Variants in KLF8 observed in about 807,000 individuals in gnomAD.
KLF8 encodes the protein KLF transcription factor 8.
A neutral mutation model predicts 18.2 loss-of-function variants in KLF8; 10 were observed. That is an observed-to-expected ratio of 0.55 (90% CI 0.34 to 0.93). The LOEUF is 0.93. Among genes scored for constraint, KLF8 ranks in the 40% least tolerant of loss-of-function variants. The pLI is 0.02. For synonymous variants in KLF8, 109 were observed against 97.3 expected, an observed-to-expected ratio of 1.12 and a Z score of -0.71; for missense variants, 264 against 277.9, an observed-to-expected ratio of 0.95 and a Z score of 0.36.
chrX:56,136,986 C>CA, the KLF8 span, among the ~76,000 whole-genome samples: 1 of 111,750 alleles, frequency 8.9e-6, no homozygotes, highest in Non-Finnish European at 1.9e-5. Flanking sequence ...TTTATGCAGC[C>CA]AAAAAACACA....
the KLF8 span, among the ~76,000 whole-genome samples, chrX:55,993,719 A>C: frequency 9.0e-6 from 1 of 110,602 alleles, no homozygotes; most frequent in Non-Finnish European, 1.9e-5. Context: ...ATGGCTGTGG[A>C]TTCTTATGGT....
rs1173390252 is a variant in KLF8 at position 56,289,146 on chromosome X, T to C, written c.*4652T>C. Among the ~76,000 whole-genome samples the C allele has an allele frequency of 8.9e-6, 1 of 112,512 alleles. No homozygotes were observed. Among genetic ancestry groups the C allele is most frequent in the Non-Finnish European group, 1.9e-5 (1 of 53,380 alleles). Reference sequence around the variant, plus strand: ...CATGGACTCATGGGTATTTATTTTATACTTCGAGTTATAATCTAATACTAC... The same window carrying C: ...CATGGACTCATGGGTATTTATTTTACACTTCGAGTTATAATCTAATACTAC... On this transcript the variant is annotated 3_prime_UTR_variant, in exon 6 of 6. Coordinates refer to ENST00000468660, the MANE Select transcript of KLF8 (RefSeq NM_007250.5).
At chrX:56,277,202 G>A (rs1490342715) in intron 5 of KLF8, among the ~76,000 whole-genome samples, 2 of 111,835 alleles carry the variant, frequency 1.8e-5, no homozygotes, top group East Asian at 2.8e-4. Flanking sequence ...TTCCTGGATC[G>A]TCTTGATGCT....
At chrX:56,043,612 A>G in the KLF8 span, among the ~76,000 whole-genome samples, 13 of 111,152 alleles carry the variant, frequency 1.2e-4, no homozygotes, top group East Asian at 3.1e-3. Flanking sequence ...CTATTCTGTG[A>G]TTGATACTTG....
chrX:55,923,765 T>C, the KLF8 span, among the ~76,000 whole-genome samples: 1 of 109,983 alleles, frequency 9.1e-6, no homozygotes, highest in Non-Finnish European at 1.9e-5. Flanking sequence ...TATACACATA[T>C]ATATTTGTGT....
chrX:56,241,990 C>T (rs746999692), intron 1 of KLF8, among the ~76,000 whole-genome samples: 3 of 111,961 alleles, frequency 2.7e-5, no homozygotes, highest in Admixed American at 9.5e-5. Flanking sequence ...CATAAAGTGA[C>T]GAGACTTGCT....
At chrX:55,929,846 A>T in the KLF8 span, among the ~76,000 whole-genome samples, 1 of 101,104 alleles carries the variant, frequency 9.9e-6, no homozygotes. Flanking sequence ...TCCACTGAGG[A>T]TTGTCTTGAC....
the KLF8 span, among the ~76,000 whole-genome samples, chrX:56,185,266 G>T: frequency 8.9e-6 from 1 of 112,102 alleles, no homozygotes; most frequent in African/African-American, 3.2e-5. Context: ...CTGGAAGAAA[G>T]GGTGTCAGTG....
chrX:56,245,032 C>G (rs1188195977), intron 1 of KLF8, among the ~76,000 whole-genome samples: 2 of 112,299 alleles, frequency 1.8e-5, no homozygotes, highest in Middle Eastern at 4.2e-3. Flanking sequence ...GATTCTAGCA[C>G]TTCTAAACTA....
chrX:56,058,247 C>T, the KLF8 span, among the ~76,000 whole-genome samples: 14 of 46,402 alleles, frequency 3.0e-4, 1 homozygote, highest in Middle Eastern at 0.014. Flanking sequence ...CATATATATA[C>T]GTATATATAC....
At chrX:55,969,671 T>C in the KLF8 span, among the ~76,000 whole-genome samples, 1 of 111,078 alleles carries the variant, frequency 9.0e-6, no homozygotes, top group East Asian at 2.8e-4. Context: ...TTTTAAAAGA[T>C]AAAACTGACA....
At chrX:55,986,504 T>G in the KLF8 span, among the ~76,000 whole-genome samples, 1 of 111,962 alleles carries the variant, frequency 8.9e-6, no homozygotes, top group Non-Finnish European at 1.9e-5. Flanking sequence ...TGGATAAGGT[T>G]GTGCCTAGTC....
chrX:56,051,951 G>A, the KLF8 span, among the ~76,000 whole-genome samples: 291 of 109,932 alleles, frequency 2.6e-3, no homozygotes, highest in African/African-American at 9.4e-3. Context: ...CATATTTCTT[G>A]GAGGCTTTGC....
chrX:55,943,454 G>T, the KLF8 span, among the ~76,000 whole-genome samples: 1 of 111,377 alleles, frequency 9.0e-6, no homozygotes, highest in Admixed American at 9.6e-5. Context: ...GGTTTGATGA[G>T]TCTATTCATG....
At chrX:55,939,648 A>G in the KLF8 span, among the ~76,000 whole-genome samples, 1 of 111,649 alleles carries the variant, frequency 9.0e-6, no homozygotes, top group South Asian at 3.7e-4. Context: ...TAAAGAAGAA[A>G]AGAGAGAAGA....
At chrX:56,237,135 T>G (rs1222935036) in intron 1 of KLF8, among the ~76,000 whole-genome samples, 2 of 60,389 alleles carry the variant, frequency 3.3e-5, no homozygotes, top group African/African-American at 1.3e-4. Context: ...GACCCCCCCA[T>G]CCCCCCCAAA....
the KLF8 span, among the ~76,000 whole-genome samples, chrX:56,080,204 G>A: frequency 9.2e-6 from 1 of 108,909 alleles, no homozygotes; most frequent in East Asian, 2.9e-4. Flanking sequence ...ATGTTAGTTG[G>A]TTATTTTGCT....
the KLF8 span, among the ~76,000 whole-genome samples, chrX:56,147,830 T>A: frequency 8.9e-6 from 1 of 111,747 alleles, no homozygotes; most frequent in Non-Finnish European, 1.9e-5. Context: ...AATACAAAAA[T>A]TGACCGGCAA....
chrX:56,177,425 T>C, the KLF8 span, among the ~76,000 whole-genome samples: 1 of 111,200 alleles, frequency 9.0e-6, no homozygotes, highest in East Asian at 2.8e-4. Flanking sequence ...TGGATACTGG[T>C]GAGCAGCAAA....
Sources: gnomAD v4.1 joint callset for allele counts (sites outside exome capture counted in the v4.1 genomes callset) on GRCh38, gnomAD v4.1.1 for gene constraint, MANE v1.5 for transcripts, NCBI Gene and HGNC (gene_info 2026-07-23, HGNC 2026-07-21) for gene names.